LRRC7: variants seen among roughly 807,000 people sequenced by gnomAD.
The protein encoded by LRRC7 is leucine rich repeat containing 7, also known as leucine-rich repeat-containing protein 7.
In LRRC7, 23 loss-of-function variants were observed where a neutral mutation model predicts 175.7. The ratio of observed to expected loss-of-function variants is 0.13; its 90% CI spans 0.09 to 0.19. LRRC7 has a LOEUF of 0.19. LRRC7 is among the 10% of genes least tolerant of loss of function. The pLI is 1.00. For missense variants in LRRC7, 1,354 were observed against 1,904.7 expected, an observed-to-expected ratio of 0.71 and a Z score of 5.38; for synonymous variants, 685 against 680.9, an observed-to-expected ratio of 1.01 and a Z score of -0.09.
At chr1:70,030,659 G>A (rs535730415) in intron 18 of LRRC7, among the ~76,000 whole-genome samples, 1 of 152,276 alleles carries the variant, frequency 6.6e-6, no homozygotes, top group South Asian at 2.1e-4. Flanking sequence ...ATATGGAAGA[G>A]GGTATTATAC....
chr1:69,818,428 A>T (rs954557344), intron 4 of LRRC7, among the ~76,000 whole-genome samples: 10 of 151,996 alleles, frequency 6.6e-5, no homozygotes, highest in African/African-American at 2.2e-4. Flanking sequence ...TGATTTGTGG[A>T]TGATAAACCA....
At chr1:69,764,756 G>GATAC (rs1671433170) in intron 3 of LRRC7, among the ~76,000 whole-genome samples, 1 of 150,620 alleles carries the variant, frequency 6.6e-6, no homozygotes, top group Non-Finnish European at 1.5e-5. Flanking sequence ...TAGATAGATA[G>GATAC]ATAGATAGAT....
chr1:69,846,096 G>T (rs1389104852), intron 7 of LRRC7, among the ~76,000 whole-genome samples: 1 of 152,010 alleles, frequency 6.6e-6, no homozygotes, highest in African/African-American at 2.4e-5. Context: ...CAATTCAAAT[G>T]AAATAAGTGG....
intron 23 of LRRC7, among the ~76,000 whole-genome samples, chr1:70,055,661 A>G (rs765079150): frequency 6.6e-6 from 1 of 152,182 alleles, no homozygotes; most frequent in African/African-American, 2.4e-5. Flanking sequence ...GCATGTCTTC[A>G]CGTGATGGTA....
chr1:70,005,420 G>A (rs1655915060), intron 11 of LRRC7, among the ~76,000 whole-genome samples: 1 of 152,104 alleles, frequency 6.6e-6, no homozygotes, highest in East Asian at 1.9e-4. Context: ...TATCTATGTA[G>A]TATATTCACA....
chr1:70,050,103 A>G (rs633287), intron 22 of LRRC7, among the ~76,000 whole-genome samples: 35,583 of 124,258 alleles, frequency 0.29, 4,456 homozygotes, highest in East Asian at 0.4. Flanking sequence ...GTGCACACAC[A>G]TGTTTATACA....
At position 70,038,762 on chromosome 1, in the gene LRRC7, A is replaced by G. The variant is rs1659583989; in HGVS notation, c.2938A>G (p.Asn980Asp). 1 of 1,614,020 alleles carries G rather than the reference A, an allele frequency of 6.2e-7. No individual in the cohort carries two copies. ...LSPLMKDIKS[N>D]KFKKSQSIDE... ...CCCCCTAATGAAAGATATCAAGTCTAATAAATTCAAAAAGTCACAGAGTAT... is the reference window on the plus strand; with the variant it reads ...CCCCCTAATGAAAGATATCAAGTCTGATAAATTCAAAAAGTCACAGAGTAT... Residue 980 changes from asparagine (N) to aspartate (D), a missense_variant, in exon 21 of 27, where the codon AAT becomes GAT. By Grantham distance (23) the Asn-to-Asp change is conservative. Around this residue, in one of 4 missense-constraint regions of LRRC7, gnomAD observed 1,032 missense variants for 1,227.2 expected, o/e 0.84. Transcript: ENST00000651989.
intron 10 of LRRC7, among the ~76,000 whole-genome samples, chr1:69,992,559 CA>C (rs1654540348): frequency 6.6e-6 from 1 of 152,122 alleles, no homozygotes; most frequent in African/African-American, 2.4e-5. Context: ...AATTTCATCC[CA>C]GGGGCAATCA....
chr1:70,061,237 A>T (rs1226599702), intron 23 of LRRC7, among the ~76,000 whole-genome samples: 1 of 152,134 alleles, frequency 6.6e-6, no homozygotes, highest in African/African-American at 2.4e-5. Context: ...AGTCCCTAAA[A>T]CTCAGAAACA....
In LRRC7 at chr1:70,130,496, C is replaced by T. The variant is rs772669579; in HGVS notation, c.*8609C>T. 6.6e-6 allele frequency among the ~76,000 whole-genome samples: 1 copy of T among 152,162 alleles called. No homozygotes were observed. Among genetic ancestry groups the T allele is most frequent in the Non-Finnish European group, 1.5e-5 (1 of 68,016 alleles). On this transcript the variant is annotated 3_prime_UTR_variant, in exon 27 of 27. Coordinates refer to ENST00000651989, the MANE Select transcript of LRRC7 (RefSeq NM_001370785.2). ...AAATTCCCAGTTAAAAAAAATTTCT[C>T]CTTTTTAAATCAGTCTTCCTCCTCT...
intron 6 of LRRC7, among the ~76,000 whole-genome samples, chr1:69,836,990 T>G (rs1244811101): frequency 6.6e-6 from 1 of 151,930 alleles, no homozygotes; most frequent in African/African-American, 2.4e-5. Flanking sequence ...ACATTAATGA[T>G]TCAGAGAATC....
chr1:69,950,530 C>CTAT (rs1245751399), intron 8 of LRRC7, among the ~76,000 whole-genome samples: 1 of 152,020 alleles, frequency 6.6e-6, no homozygotes, highest in Admixed American at 6.6e-5. Context: ...CTATGAATGA[C>CTAT]AAATAGTCTC....
chr1:69,795,169 C>T (rs1186301226), intron 4 of LRRC7, among the ~76,000 whole-genome samples: 3 of 152,202 alleles, frequency 2.0e-5, no homozygotes, highest in East Asian at 3.9e-4. Context: ...ATCGTGAGGT[C>T]GGGAGTTTGA....
chr1:69,836,736 G>A (rs1681153208), intron 6 of LRRC7, among the ~76,000 whole-genome samples: 1 of 151,808 alleles, frequency 6.6e-6, no homozygotes, highest in Non-Finnish European at 1.5e-5. Flanking sequence ...TAGTACAATT[G>A]TTGAGAAGAT....
chr1:69,942,656 C>A (rs55819156), intron 8 of LRRC7, among the ~76,000 whole-genome samples: 3 of 151,976 alleles, frequency 2.0e-5, no homozygotes, highest in Non-Finnish European at 2.9e-5. Flanking sequence ...TCTCTCATCA[C>A]ATTTTCTCTA....
chr1:70,129,077 C>G lies in LRRC7; in HGVS notation c.*7190C>G, dbSNP rs1666560886. On this transcript the variant is annotated 3_prime_UTR_variant, in exon 27 of 27. Coordinates refer to ENST00000651989, the MANE Select transcript of LRRC7 (RefSeq NM_001370785.2). ...CCTGACCAACATGCTGAAACCTCAT[C>G]TCTACTAAAAATATGAAAAATTAGC... Among the ~76,000 whole-genome samples the G allele has an allele frequency of 1.3e-5, 2 of 151,986 alleles. No homozygotes were observed.
At chr1:69,671,126 C>G (rs759279736) in intron 1 of LRRC7, among the ~76,000 whole-genome samples, 1 of 152,122 alleles carries the variant, frequency 6.6e-6, no homozygotes, top group Admixed American at 6.5e-5. Context: ...CTGAGTCTCA[C>G]GTGAAGCCAG....
intron 2 of LRRC7, among the ~76,000 whole-genome samples, chr1:69,713,270 G>C (rs998952862): frequency 6.6e-6 from 1 of 152,068 alleles, no homozygotes; most frequent in African/African-American, 2.4e-5. Flanking sequence ...AGGCTCACTT[G>C]AGCCTAGGAG....
intron 1 of LRRC7, among the ~76,000 whole-genome samples, chr1:69,592,212 T>C (rs1646664958): frequency 6.6e-6 from 1 of 152,016 alleles, no homozygotes; most frequent in Non-Finnish European, 1.5e-5. Flanking sequence ...ACATGTACTG[T>C]ATCTCTTTAG....
Sources: allele counts gnomAD v4.1 joint callset (sites outside exome capture counted in the v4.1 genomes callset), GRCh38; gene constraint gnomAD v4.1.1; regional missense constraint gnomAD v4.1.1; transcripts MANE v1.5; gene names NCBI Gene and HGNC (gene_info 2026-07-23, HGNC 2026-07-21).